ATAD2B: variants seen among roughly 807,000 people sequenced by gnomAD.
ATAD2B encodes ATPase family AAA domain containing 2B.
ATAD2B carries 40 observed loss-of-function variants against 167.6 expected under a neutral mutation model. The ratio of observed to expected loss-of-function variants is 0.24; its 90% CI spans 0.19 to 0.31. The LOEUF (loss-of-function observed/expected upper bound fraction) is 0.31, where lower values mean the gene tolerates loss of function less well. Ranked by LOEUF, ATAD2B falls within the 10% of genes least tolerant of loss-of-function variation. The pLI is 1.00. For synonymous variants in ATAD2B, 579 were observed against 596.5 expected, an observed-to-expected ratio of 0.97 and a Z score of 0.43; for missense variants, 1,242 against 1,757.2, an observed-to-expected ratio of 0.71 and a Z score of 5.24.
intron 1 of ATAD2B, among the ~76,000 whole-genome samples, chr2:23,913,900 G>C (rs190052084): frequency 6.6e-6 from 1 of 152,008 alleles, no homozygotes; most frequent in African/African-American, 2.4e-5. Flanking sequence ...CTAGGTGGTC[G>C]AGGCTTCAGT....
intron 1 of ATAD2B, among the ~76,000 whole-genome samples, chr2:23,904,758 G>A (rs1317136470): frequency 6.6e-6 from 1 of 152,030 alleles, no homozygotes; most frequent in Admixed American, 6.6e-5. Context: ...TATAGGACAG[G>A]CTTTTTGTAT....
intron 18 of ATAD2B, among the ~76,000 whole-genome samples, chr2:23,807,907 A>T (rs1284370684): frequency 2.3e-5 from 3 of 129,350 alleles, no homozygotes; most frequent in Non-Finnish European, 4.8e-5. Context: ...AAAATATATA[A>T]ATATAAATAT....
chr2:23,857,876 G>A (rs1693676587), intron 12 of ATAD2B, among the ~76,000 whole-genome samples: 1 of 151,364 alleles, frequency 6.6e-6, no homozygotes, highest in South Asian at 2.1e-4. Context: ...TGAGTAGCTG[G>A]GACTACAGGC....
intron 1 of ATAD2B, among the ~76,000 whole-genome samples, chr2:23,901,749 T>C (rs1700868242): frequency 6.6e-6 from 1 of 152,082 alleles, no homozygotes; most frequent in Admixed American, 6.6e-5. Context: ...ACATGCAAAA[T>C]AAATCTCTAA....
At chr2:23,926,327 G>T (rs562246181) in intron 1 of ATAD2B, among the ~76,000 whole-genome samples, 1 of 152,214 alleles carries the variant, frequency 6.6e-6, no homozygotes, top group East Asian at 1.9e-4. Flanking sequence ...CTCTCCCCTG[G>T]ACTCAAGGGC....
intron 19 of ATAD2B, among the ~76,000 whole-genome samples, chr2:23,797,148 T>C (rs1441593885): frequency 6.6e-6 from 1 of 152,084 alleles, no homozygotes; most frequent in Non-Finnish European, 1.5e-5. Flanking sequence ...ACTTTAACCA[T>C]AAAATTCTAC....
intron 19 of ATAD2B, among the ~76,000 whole-genome samples, chr2:23,797,659 G>C (rs1682829351): frequency 6.6e-6 from 1 of 151,946 alleles, no homozygotes; most frequent in African/African-American, 2.4e-5. Flanking sequence ...AGATTATCTT[G>C]GGGATGGGAT....
chr2:23,706,606 C>T, the ATAD2B span: 1 of 1,537,110 alleles, frequency 6.5e-7, no homozygotes, highest in Non-Finnish European at 8.7e-7. Flanking sequence ...CCCCACATGC[C>T]CTGCCCTGTG....
At chr2:23,719,568 G>A in the ATAD2B span, among the ~76,000 whole-genome samples, 1 of 152,084 alleles carries the variant, frequency 6.6e-6, no homozygotes, top group Non-Finnish European at 1.5e-5. Context: ...TTGCAGAGAA[G>A]TGAAAAACCT....
At chr2:23,878,138 A>T (rs1253427608) in intron 7 of ATAD2B, among the ~76,000 whole-genome samples, 1 of 151,680 alleles carries the variant, frequency 6.6e-6, no homozygotes, top group Non-Finnish European at 1.5e-5. Context: ...ACATGTGTGG[A>T]TCACCTAAGG....
chr2:23,923,514 T>A (rs1258814884), intron 1 of ATAD2B, among the ~76,000 whole-genome samples: 5 of 152,120 alleles, frequency 3.3e-5, no homozygotes, highest in African/African-American at 1.2e-4. Flanking sequence ...TAATAATACA[T>A]TCATAATAAA....
At chr2:23,805,713 A>G (rs1684265288) in intron 18 of ATAD2B, among the ~76,000 whole-genome samples, 1 of 151,870 alleles carries the variant, frequency 6.6e-6, no homozygotes, top group South Asian at 2.1e-4. Context: ...ATGGTGCCAA[A>G]TTACACTCCA....
At chr2:23,785,946 T>A in intron 21 of ATAD2B, 81 bp downstream of exon 21, 1 of 1,321,746 alleles carries the variant, frequency 7.6e-7, no homozygotes, top group Non-Finnish European at 1.0e-6. Flanking sequence ...CTTTGCTTTT[T>A]TTTCCTTCCA....
chr2:23,866,279 C>G (rs550598764), intron 10 of ATAD2B, among the ~76,000 whole-genome samples: 2 of 152,264 alleles, frequency 1.3e-5, no homozygotes, highest in Non-Finnish European at 2.9e-5. Context: ...GTGGCGCATG[C>G]TTGTAATCCC....
chr2:23,681,925 G>C, the ATAD2B span, among the ~76,000 whole-genome samples: 1 of 152,146 alleles, frequency 6.6e-6, no homozygotes, highest in Non-Finnish European at 1.5e-5. This position sits in a 1 kb window ranked among gnomAD's most constrained non-coding sequence, Gnocchi z 4.2. Flanking sequence ...TCTCCCCTCC[G>C]CCTGGGCTGT....
chr2:23,802,919 T>C (rs949799547), intron 18 of ATAD2B, among the ~76,000 whole-genome samples: 18 of 152,072 alleles, frequency 1.2e-4, no homozygotes, highest in Admixed American at 9.2e-4. Context: ...TTATTCACCT[T>C]TTGAAATTAT....
the ATAD2B span, among the ~76,000 whole-genome samples, chr2:23,700,174 C>CTATT: frequency 6.6e-6 from 1 of 152,316 alleles, no homozygotes; most frequent in East Asian, 1.9e-4. The surrounding 1 kb of genome is among the most constrained non-coding windows in gnomAD (Gnocchi z 4.6). Context: ...GGACTCCTTC[C>CTATT]TATTTTAGCA....
At position 23,927,060 on chromosome 2, in the gene ATAD2B, T is replaced by C. The variant is rs1490681624; in HGVS notation, c.-290A>G. 4.0e-5 allele frequency: 16 copies of C among 397,696 alleles called. No homozygotes were observed. The highest frequency in any genetic ancestry group is 6.7e-5 in the Non-Finnish European group (15 of 222,880). The allele number at this position is 397,696 out of a possible 1,614,324, so 24.6% of individuals were successfully genotyped here. A position where few individuals can be genotyped will look rare whatever the true frequency, so the allele number is the denominator to read the frequency against. On this transcript the variant is annotated 5_prime_UTR_variant, in exon 1 of 28. Coordinates refer to ENST00000238789, the MANE Select transcript of ATAD2B (RefSeq NM_017552.4). ...CGAGCGGAGCCGCCATTTCTACCCC[T>C]TTCTCTCCCGTTCTCGCTCTCGAGC...
intron 22 of ATAD2B, among the ~76,000 whole-genome samples, chr2:23,766,912 T>C (rs1379474582): frequency 1.1e-5 from 1 of 91,046 alleles, no homozygotes; most frequent in Non-Finnish European, 2.1e-5. Context: ...ACTGAAAGAG[T>C]AAGGGGGGAA....
Sources: gnomAD v4.1 joint callset for allele counts (sites outside exome capture counted in the v4.1 genomes callset) on GRCh38, gnomAD v4.1.1 for gene constraint, Gnocchi (gnomAD v3.1) non-coding constraint, MANE v1.5 for transcripts, NCBI Gene and HGNC (gene_info 2026-07-23, HGNC 2026-07-21) for gene names.